MIDEAS: variants seen among roughly 807,000 people sequenced by gnomAD.
MIDEAS encodes mitotic deacetylase associated SANT domain protein, also known as mitotic deacetylase-associated SANT domain protein.
Under a neutral mutation model 102.7 loss-of-function variants are expected in MIDEAS, and 26 were observed. The observed-to-expected ratio is 0.25, with a 90% CI of 0.19 to 0.35. The LOEUF (loss-of-function observed/expected upper bound fraction) is 0.35, where lower values mean the gene tolerates loss of function less well. MIDEAS is among the 10% of genes least tolerant of loss of function. The pLI is 1.00. For synonymous variants in MIDEAS, 585 were observed against 591.0 expected (o/e 0.99, Z 0.15); for missense variants, 1,231 against 1,435.6 (o/e 0.86, Z 2.30).
intron 11 of MIDEAS, 69 bp from the exon 12 acceptor site, chr14:73,719,570 G>A (rs79875771): frequency 0.16 from 233,209 of 1,496,794 alleles, 19,406 homozygotes; most frequent in South Asian, 0.25. Flanking sequence ...TAAAATCGCA[G>A]GGAACCGGGG....
intron 3 of MIDEAS, among the ~76,000 whole-genome samples, chr14:73,733,128 T>C (rs2053160625): frequency 6.6e-6 from 1 of 152,044 alleles, no homozygotes; most frequent in Non-Finnish European, 1.5e-5. Flanking sequence ...AGCTGAAGTT[T>C]AGGGCTCGCC....
chr14:73,740,118 A>G lies in MIDEAS; in HGVS notation c.-110T>C. 1 of 1,362,234 alleles carries G rather than the reference A, an allele frequency of 7.3e-7. No individual in the cohort carries two copies. Among genetic ancestry groups the G allele is most frequent in the Non-Finnish European group, 9.5e-7 (1 of 1,050,848 alleles). 84.4% of individuals were successfully genotyped at this position (1,362,234 alleles called of 1,614,324 possible). The stretch of plus-strand genomic sequence containing the variant: ...CTAGTCCAGGAGCCAGGGAGGGCAG[A>G]GCAGGGGCAGAGGAAGACGCTGGAC... On this transcript the variant is annotated 5_prime_UTR_variant, in exon 2 of 13. Coordinates refer to ENST00000423556, the MANE Select transcript of MIDEAS (RefSeq NM_001367710.1).
At chr14:73,764,989 C>T (rs1433038029), upstream of MIDEAS, among the ~76,000 whole-genome samples, 8 of 152,242 alleles carry the variant, frequency 5.3e-5, no homozygotes, top group East Asian at 1.5e-3. Flanking sequence ...ACAGGTGTGG[C>T]TGCCAGGGAG....
upstream of MIDEAS, among the ~76,000 whole-genome samples, chr14:73,763,321 G>A (rs1412032508): frequency 1.3e-5 from 2 of 152,198 alleles, no homozygotes; most frequent in Non-Finnish European, 2.9e-5. Context: ...CTGGGTGACA[G>A]GGTGAGACGT....
Position 73,726,764 on chromosome 14 carries a change from G to A in MIDEAS, c.2306-57C>T, listed in dbSNP as rs1277746662. The A allele has an allele frequency of 1.9e-6, 3 of 1,611,486 alleles. No individual in the cohort carries two copies. The East Asian group carries it at 6.7e-5, about 36-fold the overall frequency. Reference sequence around the variant, plus strand: ...AGGAAACCACGTTCAGGGCGGGGCTGGGCAGGGTGAGGCCTGGCCCACCCA... The same window carrying A: ...AGGAAACCACGTTCAGGGCGGGGCTAGGCAGGGTGAGGCCTGGCCCACCCA... On this transcript the variant is annotated intron_variant, in intron 6 of 12. Coordinates refer to ENST00000423556, the MANE Select transcript of MIDEAS (RefSeq NM_001367710.1).
chr14:73,729,528 CCTT>C, intron 4 of MIDEAS, 109 bp downstream of exon 4: 1 of 874,402 alleles, frequency 1.1e-6, no homozygotes, highest in East Asian at 2.7e-5. Flanking sequence ...GAGCAGAGCT[CCTT>C]CTCCCAGAGT....
chr14:73,755,973 T>C (rs937025799), intron 1 of MIDEAS, among the ~76,000 whole-genome samples: 2 of 152,140 alleles, frequency 1.3e-5, no homozygotes, highest in Non-Finnish European at 2.9e-5. Flanking sequence ...ACTAGTATCA[T>C]CCACATTTTA....
At chr14:73,782,321 C>T (rs115252210) in intron 1 of MIDEAS, among the ~76,000 whole-genome samples, 174 of 152,040 alleles carry the variant, frequency 1.1e-3, no homozygotes, top group African/African-American at 4.0e-3. Flanking sequence ...AACAAGCATG[C>T]GGCCAACCAG....
At position 73,719,464 on chromosome 14, in the gene MIDEAS, T is replaced by C. The variant is rs781570904; in HGVS notation, c.2975A>G (p.Asn992Ser). ...CTGGCCACCGGCAGACCCAGGGGCG[T>C]TGGACTCGTGGCTCCGGAGGATGAG... Reference protein sequence around the residue: ...DILILRSHESNAPGSAGGQAS... With the variant: ...DILILRSHESSAPGSAGGQAS... The change falls in exon 12 of 13, where the codon AAC (asparagine) becomes AGC (serine). Residue 992 changes from asparagine (N) to serine (S), a missense_variant. Around this residue, in one of 5 missense-constraint regions of MIDEAS, gnomAD observed 391 missense variants for 483.0 expected, o/e 0.81. Transcript: ENST00000423556. The C allele has an allele frequency of 3.1e-6, 5 of 1,613,972 alleles. No homozygotes were observed. Among genetic ancestry groups the C allele is most frequent in the South Asian group, 2.2e-5 (2 of 91,038 alleles).
In MIDEAS at chr14:73,718,801, G is replaced by A; in HGVS notation, c.*42C>T. The A allele has an allele frequency of 1.5e-6, 2 of 1,360,374 alleles. No individual in the cohort carries two copies. The highest frequency in any genetic ancestry group is 1.9e-6 in the Non-Finnish European group (2 of 1,062,198). 84.3% of individuals were successfully genotyped at this position (1,360,374 alleles called of 1,614,324 possible). On this transcript the variant is annotated 3_prime_UTR_variant, in exon 13 of 13. Transcript: ENST00000423556. ...TCTGCGGGCGCTGGCGGCGGTGCGG[G>A]AAGGGCCGAGGCCCAGGACTGGGCC...
intron 3 of MIDEAS, among the ~76,000 whole-genome samples, chr14:73,732,075 T>C (rs182768470): frequency 2.0e-5 from 3 of 152,320 alleles, no homozygotes; most frequent in African/African-American, 4.8e-5. Flanking sequence ...TCCTCATCTA[T>C]AAAATAGAGG....
intron 1 of MIDEAS, among the ~76,000 whole-genome samples, chr14:73,757,279 C>CAAAAA (rs370387448): frequency 3.0e-5 from 2 of 67,720 alleles, no homozygotes; most frequent in Admixed American, 2.0e-4. Flanking sequence ...CTCTAACAAC[C>CAAAAA]AAAAAAAAAA....
chr14:73,781,935 T>TA (rs1325528796), intron 1 of MIDEAS, among the ~76,000 whole-genome samples: 1 of 151,932 alleles, frequency 6.6e-6, no homozygotes, highest in East Asian at 1.9e-4. Context: ...CAGACATCCA[T>TA]AATCCCAGCT....
chr14:73,746,107 G>A (rs904406107), intron 1 of MIDEAS, among the ~76,000 whole-genome samples: 1 of 152,220 alleles, frequency 6.6e-6, no homozygotes, highest in African/African-American at 2.4e-5. Flanking sequence ...TTAAAGGGAT[G>A]TGTAAGAGAG....
rs2052904193 is a variant in MIDEAS at position 73,717,150 on chromosome 14, C to G, written c.*1693G>C. 1 of 152,228 alleles carries G rather than the reference C, an allele frequency of 6.6e-6. No homozygotes were observed. Among genetic ancestry groups the G allele is most frequent in the Admixed American group, 6.5e-5 (1 of 15,288 alleles). 9.4% of individuals were successfully genotyped at this position (152,228 alleles called of 1,614,324 possible). Reference sequence around the variant, plus strand: ...TCAAAACAAAACTCCCTCTCCACTCCCAGTTACTGACATGATGCTTCTTGG... The same window carrying G: ...TCAAAACAAAACTCCCTCTCCACTCGCAGTTACTGACATGATGCTTCTTGG... On this transcript the variant is annotated 3_prime_UTR_variant, in exon 13 of 13. Transcript: ENST00000423556.
At position 73,721,476 on chromosome 14, in the gene MIDEAS, T is replaced by C. The variant is rs1056577464; in HGVS notation, c.2758A>G (p.Arg920Gly). The C allele has an allele frequency of 6.2e-7, 1 of 1,614,104 alleles. No individual in the cohort carries two copies. Among genetic ancestry groups the C allele is most frequent in the Non-Finnish European group, 8.5e-7 (1 of 1,180,006 alleles). ...CTCTCTTCACTTGGGGACTCTCTTC[T>C]GGGAAGAGGCACCCTTGGGAACTTT... ...SQKFPRVPLP[R>G]RESPSEERLE... The change falls in exon 11 of 13, where the codon AGA (arginine) becomes GGA (glycine). Residue 920 changes from arginine (R) to glycine (G), a missense_variant. By Grantham distance (125) the Arg-to-Gly change is moderately radical. Transcript: ENST00000423556.
chr14:73,758,893 G>A (rs924724363), intron 1 of MIDEAS: 15 of 154,128 alleles, frequency 9.7e-5, no homozygotes, highest in African/African-American at 3.4e-4. Flanking sequence ...GAGGCCTTGG[G>A]GGCAACCTGA....
At chr14:73,736,358 G>A (rs1315646539) in intron 3 of MIDEAS, among the ~76,000 whole-genome samples, 5 of 152,038 alleles carry the variant, frequency 3.3e-5, no homozygotes, top group Admixed American at 6.6e-5. Context: ...TCGGCCAGGC[G>A]CGGTGGCTCA....
In MIDEAS at chr14:73,738,672, A is replaced by T. The variant is rs1422030562; in HGVS notation, c.1337T>A (p.Leu446Gln). The T allele has an allele frequency of 1.2e-6, 2 of 1,613,864 alleles. No homozygotes were observed. Among genetic ancestry groups the T allele is most frequent in the Non-Finnish European group, 1.7e-6 (2 of 1,179,944 alleles). ...CGTGCTCTGGATCACTCCGCCCCGT[A>T]GCACCTGCCCACAGTCCCCTGTGCT... ...AVSTGDCGQV[L>Q]RGGVIQSTRR... Residue 446 changes from leucine (L) to glutamine (Q), a missense_variant, in exon 2 of 13, where the codon CTA becomes CAA. This residue lies in a region of MIDEAS where 758 missense variants were observed against 856.0 expected (regional missense o/e 0.89). Coordinates refer to ENST00000423556, the MANE Select transcript of MIDEAS (RefSeq NM_001367710.1).
Sources: allele counts gnomAD v4.1 joint callset (sites outside exome capture counted in the v4.1 genomes callset), GRCh38; gene constraint gnomAD v4.1.1; regional missense constraint gnomAD v4.1.1; transcripts MANE v1.5; gene names NCBI Gene and HGNC (gene_info 2026-07-23, HGNC 2026-07-21).